The following PAPPA2 variants were observed in gnomAD, a reference collection of about 807,000 sequenced individuals.
PAPPA2 encodes pappalysin 2, also known as pappalysin-2.
A neutral mutation model predicts 176.4 loss-of-function variants in PAPPA2; 86 were observed. The observed-to-expected ratio is 0.49, with a 90% CI of 0.41 to 0.58. The LOEUF (loss-of-function observed/expected upper bound fraction) is 0.58, where lower values mean the gene tolerates loss of function less well. Ranked by LOEUF, PAPPA2 falls within the 20% of genes least tolerant of loss-of-function variation. The pLI is 0.00. For missense variants in PAPPA2, 2,073 were observed against 2,256.9 expected (o/e 0.92, Z 1.65); for synonymous variants, 809 against 852.2 (o/e 0.95, Z 0.88).
intron 12 of PAPPA2, 137 bp from the exon 13 acceptor site, chr1:176,739,489 T>G (rs1238318980): frequency 2.3e-6 from 2 of 869,108 alleles, no homozygotes; most frequent in Admixed American, 5.9e-5. Flanking sequence ...CTACTCCATA[T>G]TTTTAGCATT....
intron 17 of PAPPA2, among the ~76,000 whole-genome samples, chr1:176,774,256 C>T (rs1192521230): frequency 6.6e-6 from 1 of 152,090 alleles, no homozygotes; most frequent in African/African-American, 2.4e-5. Context: ...GCCTCAGTTA[C>T]CATCTGCGTG....
intron 1 of PAPPA2, among the ~76,000 whole-genome samples, chr1:176,477,908 A>G (rs1373726669): frequency 6.6e-6 from 1 of 152,186 alleles, no homozygotes; most frequent in East Asian, 1.9e-4. Flanking sequence ...TGTCTCAAGT[A>G]TGGGTGAGGA....
intron 10 of PAPPA2, among the ~76,000 whole-genome samples, chr1:176,709,370 A>G (rs541693396): frequency 6.6e-6 from 1 of 152,238 alleles, no homozygotes; most frequent in Admixed American, 6.5e-5. Flanking sequence ...ATCATAAAAG[A>G]AACAAAATAC....
intron 1 of PAPPA2, among the ~76,000 whole-genome samples, chr1:176,475,557 T>C (rs923810835): frequency 5.3e-5 from 8 of 152,204 alleles, no homozygotes; most frequent in African/African-American, 1.9e-4. Flanking sequence ...GCTACAGATG[T>C]TTTTGTCCTT....
chr1:176,507,769 T>C (rs1371894765), intron 1 of PAPPA2, among the ~76,000 whole-genome samples: 1 of 151,794 alleles, frequency 6.6e-6, no homozygotes. Flanking sequence ...ACAGTAGACA[T>C]TGTGGACTAC....
intron 1 of PAPPA2, among the ~76,000 whole-genome samples, chr1:176,501,644 C>A (rs180718471): frequency 1.3e-5 from 2 of 152,290 alleles, no homozygotes; most frequent in African/African-American, 4.8e-5. Context: ...TATGTCAGTG[C>A]AAATGGTTGT....
At chr1:176,794,643 C>T (rs1665343462) in intron 20 of PAPPA2, among the ~76,000 whole-genome samples, 1 of 152,204 alleles carries the variant, frequency 6.6e-6, no homozygotes. Context: ...TGGCTATTCA[C>T]TGTTCCCTAT....
chr1:176,516,717 C>G (rs1648935451), intron 1 of PAPPA2, among the ~76,000 whole-genome samples: 1 of 152,200 alleles, frequency 6.6e-6, no homozygotes, highest in Non-Finnish European at 1.5e-5. Flanking sequence ...TACACCAAAA[C>G]TATAAGAAAG....
At chr1:176,815,302 T>A (rs1424484276) in intron 21 of PAPPA2, among the ~76,000 whole-genome samples, 3 of 152,118 alleles carry the variant, frequency 2.0e-5, no homozygotes, top group African/African-American at 7.2e-5. Context: ...TATATTTATT[T>A]GTAATATTTT....
At chr1:176,633,642 C>T (rs1360931577) in intron 3 of PAPPA2, among the ~76,000 whole-genome samples, 3 of 152,148 alleles carry the variant, frequency 2.0e-5, no homozygotes, top group Admixed American at 6.5e-5. Context: ...TGATAGTCTC[C>T]ATCAGAGTGA....
At chr1:176,807,730 A>G (rs1449820091) in intron 21 of PAPPA2, among the ~76,000 whole-genome samples, 2 of 152,072 alleles carry the variant, frequency 1.3e-5, no homozygotes, top group Non-Finnish European at 2.9e-5. Context: ...TCCTGGCCTC[A>G]GGTGAACCAC....
At position 176,594,572 on chromosome 1, in the gene PAPPA2, T is replaced by G; in HGVS notation, c.968T>G (p.Leu323Arg). ...ACTGTCAGTGACAAAGGCTGGGCCC[T>G]GGGGATCCGCTCAGGGAAGGACAAG... ...SHTVSDKGWA[L>R]GIRSGKDKGK... Residue 323 changes from leucine to arginine, a missense_variant, in exon 3 of 23, where the codon CTG (leucine) becomes CGG (arginine). Physicochemically the swap from Leu to Arg is moderately radical, Grantham distance 102. Around this residue, in one of 4 missense-constraint regions of PAPPA2, gnomAD observed 1,196 missense variants for 1,330.4 expected, o/e 0.90. Coordinates refer to ENST00000367662, the MANE Select transcript of PAPPA2 (RefSeq NM_020318.3). 6.2e-7 allele frequency: 1 copy of G among 1,614,210 alleles called. No homozygotes were observed. Among genetic ancestry groups the G allele is most frequent in the Non-Finnish European group, 8.5e-7 (1 of 1,180,034 alleles).
intron 3 of PAPPA2, among the ~76,000 whole-genome samples, chr1:176,642,260 TAAC>T (rs770825554): frequency 2.6e-5 from 4 of 151,930 alleles, no homozygotes; most frequent in Admixed American, 2.0e-4. Context: ...ATAATTTAAA[TAAC>T]AATAATTGCA....
At chr1:176,633,013 A>G (rs1403322559) in intron 3 of PAPPA2, among the ~76,000 whole-genome samples, 3 of 152,208 alleles carry the variant, frequency 2.0e-5, no homozygotes, top group African/African-American at 7.2e-5. Context: ...CCTTTGTACT[A>G]GGCCCTGGTC....
intron 3 of PAPPA2, among the ~76,000 whole-genome samples, chr1:176,615,831 A>G (rs1201701340): frequency 2.6e-5 from 4 of 152,340 alleles, no homozygotes; most frequent in African/African-American, 9.6e-5. Flanking sequence ...AATAAACCAC[A>G]TAAGGTCTAG....
intron 14 of PAPPA2, among the ~76,000 whole-genome samples, chr1:176,741,469 G>C (rs138704101): frequency 1.3e-5 from 2 of 152,130 alleles, no homozygotes; most frequent in Non-Finnish European, 2.9e-5. Flanking sequence ...AGCCAGAGAC[G>C]GTGAACACGT....
chr1:176,710,688 G>A (rs1661104596), intron 11 of PAPPA2, among the ~76,000 whole-genome samples: 2 of 152,226 alleles, frequency 1.3e-5, no homozygotes, highest in South Asian at 4.1e-4. Context: ...TATTCTAGAT[G>A]CTTTTATTGT....
chr1:176,649,390 T>C (rs924812795), intron 3 of PAPPA2, among the ~76,000 whole-genome samples: 2 of 149,374 alleles, frequency 1.3e-5, no homozygotes, highest in African/African-American at 5.0e-5. Context: ...TTTGTTTTTT[T>C]TTTGTTTTTC....
In PAPPA2 at chr1:176,844,876, G is replaced by C. The variant is rs1260748650; in HGVS notation, c.*2422G>C. 2.0e-5 allele frequency: 3 copies of C among 152,132 alleles called. No homozygotes were observed. Among genetic ancestry groups the C allele is most frequent in the Admixed American group, 6.6e-5 (1 of 15,264 alleles). 9.4% of individuals were successfully genotyped at this position (152,132 alleles called of 1,614,324 possible). A position where few individuals can be genotyped will look rare whatever the true frequency, so the allele number is the denominator to read the frequency against. On this transcript the variant is annotated 3_prime_UTR_variant, in exon 23 of 23. Coordinates refer to ENST00000367662, the MANE Select transcript of PAPPA2 (RefSeq NM_020318.3). The stretch of plus-strand genomic sequence containing the variant: ...AGTCTCTCCACAAGAGCAACAGTAA[G>C]AACATTTCTGTTTTAAATTTCATTT...
Sources: gnomAD v4.1 joint callset for allele counts (sites outside exome capture counted in the v4.1 genomes callset) on GRCh38, gnomAD v4.1.1 for gene constraint, gnomAD v4.1.1 regional missense constraint, MANE v1.5 for transcripts, NCBI Gene and HGNC (gene_info 2026-07-23, HGNC 2026-07-21) for gene names.